The following COL24A1 variants were observed in gnomAD, a reference collection of about 807,000 sequenced individuals.
The protein encoded by COL24A1 is collagen type XXIV alpha 1 chain, also known as collagen alpha-1(XXIV) chain.
Under a neutral mutation model 253.9 loss-of-function variants are expected in COL24A1, and 224 were observed. The ratio of observed to expected loss-of-function variants is 0.88; its 90% CI spans 0.79 to 0.99. The LOEUF (loss-of-function observed/expected upper bound fraction) is 0.99. Ranked by LOEUF, COL24A1 falls within the 50% of genes least tolerant of loss-of-function variation. COL24A1 has a pLI of 0.00. For missense variants in COL24A1, 2,131 were observed against 2,068.5 expected (o/e 1.03, Z -0.59); for synonymous variants, 685 against 673.7 (o/e 1.02, Z -0.26).
At chr1:85,944,646 G>A (rs1223245021) in intron 24 of COL24A1, among the ~76,000 whole-genome samples, 1 of 151,722 alleles carries the variant, frequency 6.6e-6, no homozygotes, top group Non-Finnish European at 1.5e-5. Flanking sequence ...TGTGCACAAT[G>A]TGCAGGTTAG....
chr1:85,905,480 A>G (rs1397549411), intron 28 of COL24A1, among the ~76,000 whole-genome samples: 1 of 152,032 alleles, frequency 6.6e-6, no homozygotes, highest in African/African-American at 2.4e-5. Context: ...TGTATGCCCA[A>G]TGTCCATTGT....
At chr1:85,770,930 G>A (rs960421455) in intron 53 of COL24A1, among the ~76,000 whole-genome samples, 4 of 152,138 alleles carry the variant, frequency 2.6e-5, no homozygotes, top group African/African-American at 7.2e-5. Flanking sequence ...TGCCTAAAGC[G>A]AATTGGCAGT....
intron 39 of COL24A1, 117 bp from the exon 40 acceptor site, chr1:85,842,510 C>G: frequency 1.4e-6 from 1 of 737,536 alleles, no homozygotes; most frequent in Non-Finnish European, 2.2e-6. Flanking sequence ...TTGAAATTTA[C>G]CTAGTTTGAA....
intron 37 of COL24A1, among the ~76,000 whole-genome samples, chr1:85,849,893 C>T (rs532430928): frequency 1.3e-5 from 2 of 152,118 alleles, no homozygotes; most frequent in South Asian, 4.2e-4. Context: ...AAAGAAAGTA[C>T]AGAGTATAAA....
intron 19 of COL24A1, among the ~76,000 whole-genome samples, chr1:85,989,396 C>G (rs756871283): frequency 1.3e-5 from 2 of 151,820 alleles, no homozygotes; most frequent in Non-Finnish European, 2.9e-5. Context: ...ATCTTCCAAT[C>G]ATTTACTAAG....
intron 45 of COL24A1, 25 bp from the exon 46 acceptor site, chr1:85,818,112 A>C: frequency 6.3e-7 from 1 of 1,581,586 alleles, no homozygotes; most frequent in African/African-American, 1.3e-5. Flanking sequence ...CACAGTTGTC[A>C]ATTGACTGTA....
intron 24 of COL24A1, among the ~76,000 whole-genome samples, chr1:85,934,942 AAC>A (rs1479910325): frequency 6.6e-6 from 1 of 151,972 alleles, no homozygotes; most frequent in African/African-American, 2.4e-5. Context: ...TTCCACATCT[AAC>A]ACACAATTAA....
intron 8 of COL24A1, among the ~76,000 whole-genome samples, chr1:86,059,534 C>A (rs1046838078): frequency 1.3e-5 from 2 of 152,138 alleles, no homozygotes; most frequent in Admixed American, 1.3e-4. Flanking sequence ...TCCTACAACA[C>A]TCCTTAACAG....
chr1:85,797,638 G>A (rs1670977699), intron 47 of COL24A1, among the ~76,000 whole-genome samples: 1 of 152,178 alleles, frequency 6.6e-6, no homozygotes, highest in Non-Finnish European at 1.5e-5. Flanking sequence ...TGAACCTGCG[G>A]AAGTTATTTA....
intron 7 of COL24A1, among the ~76,000 whole-genome samples, chr1:86,066,806 T>C (rs1701524806): frequency 6.6e-6 from 1 of 152,034 alleles, no homozygotes; most frequent in African/African-American, 2.4e-5. Flanking sequence ...CTTTTTTCAA[T>C]GTAGCTGTCA....
At chr1:85,973,533 C>T (rs72954593) in intron 20 of COL24A1, among the ~76,000 whole-genome samples, 1,730 of 152,088 alleles carry the variant, frequency 0.011, 28 homozygotes, top group African/African-American at 0.039. Flanking sequence ...TAAAAATAAG[C>T]ATACAATAAA....
Position 85,987,619 on chromosome 1 carries a change from G to T in COL24A1, c.2346C>A (p.Asn782Lys). The T allele has an allele frequency of 6.2e-7, 1 of 1,610,314 alleles. No homozygotes were observed. The highest frequency in any genetic ancestry group is 8.5e-7 in the Non-Finnish European group (1 of 1,177,844). Residue 782 changes from asparagine to lysine, a missense_variant, in exon 20 of 60, where the codon AAC becomes AAA. Coordinates refer to ENST00000370571, the MANE Select transcript of COL24A1 (RefSeq NM_152890.7). ...TTCTTACCTTTGGTCCTTCAGGGCC[G>T]TTTTGTCCAGGAATCCCAATATCTC... ...FPGDIGIPGQNGPEGPKGLLG... is the reference protein window; with the variant it reads ...FPGDIGIPGQKGPEGPKGLLG...
At chr1:85,923,703 C>T (rs935726054) in intron 24 of COL24A1, among the ~76,000 whole-genome samples, 1 of 151,988 alleles carries the variant, frequency 6.6e-6, no homozygotes, top group African/African-American at 2.4e-5. Flanking sequence ...CACTAAATGC[C>T]CACAAGAGAA....
chr1:85,800,921 A>T (rs1671358659), intron 47 of COL24A1, among the ~76,000 whole-genome samples: 6 of 152,190 alleles, frequency 3.9e-5, no homozygotes, highest in Admixed American at 3.9e-4. Context: ...TTTTTAAATT[A>T]AAAAAATGGG....
chr1:85,881,088 T>C (rs917834549), intron 32 of COL24A1, among the ~76,000 whole-genome samples: 9 of 152,250 alleles, frequency 5.9e-5, no homozygotes, highest in African/African-American at 2.2e-4. Context: ...TTCTATTTTC[T>C]GGAACAGCTT....
intron 19 of COL24A1, among the ~76,000 whole-genome samples, chr1:85,996,220 AT>A (rs1469183793): frequency 6.6e-6 from 1 of 152,170 alleles, no homozygotes; most frequent in Non-Finnish European, 1.5e-5. Context: ...GAAAATAGAA[AT>A]TATTTATTGA....
At chr1:85,734,065 G>T (rs1174517658) in intron 59 of COL24A1, among the ~76,000 whole-genome samples, 2 of 151,408 alleles carry the variant, frequency 1.3e-5, no homozygotes, top group African/African-American at 4.9e-5. Context: ...ACCATGCCTG[G>T]CTAATTTTTG....
At chr1:86,077,468 C>G (rs1010882173) in intron 7 of COL24A1, among the ~76,000 whole-genome samples, 27 of 152,096 alleles carry the variant, frequency 1.8e-4, no homozygotes, top group Non-Finnish European at 2.9e-4. Context: ...TATCATTTGA[C>G]CCAGCAATCT....
intron 43 of COL24A1, among the ~76,000 whole-genome samples, chr1:85,834,998 T>A (rs902171072): frequency 5.3e-5 from 8 of 152,328 alleles, no homozygotes; most frequent in South Asian, 2.1e-4. Flanking sequence ...TCCATGTTTT[T>A]TATATATATG....
Sources: gnomAD v4.1 joint callset for allele counts (sites outside exome capture counted in the v4.1 genomes callset) on GRCh38, gnomAD v4.1.1 for gene constraint, MANE v1.5 for transcripts, NCBI Gene and HGNC (gene_info 2026-07-23, HGNC 2026-07-21) for gene names.